Variants in FARS2 observed in about 807,000 individuals in gnomAD.
FARS2 encodes phenylalanyl-tRNA synthetase 2, mitochondrial, also known as phenylalanine--tRNA ligase, mitochondrial.
Under a neutral mutation model 46.4 loss-of-function variants are expected in FARS2, and 40 were observed. The ratio of observed to expected loss-of-function variants is 0.86; its 90% CI spans 0.67 to 1.12. FARS2 has a LOEUF of 1.12. FARS2 is among the 50% of genes most tolerant of loss of function. FARS2 has a pLI of 0.00. For missense variants in FARS2, 513 were observed against 567.9 expected, an observed-to-expected ratio of 0.90 and a Z score of 0.98; for synonymous variants, 234 against 214.9, an observed-to-expected ratio of 1.09 and a Z score of -0.78.
intron 3 of FARS2, among the ~76,000 whole-genome samples, chr6:5,428,055 G>A (rs1762948285): frequency 1.3e-5 from 2 of 152,194 alleles, no homozygotes; most frequent in African/African-American, 4.8e-5. Context: ...GTGGGTGTGT[G>A]TAAACAGGGA....
At chr6:5,432,323 A>AC in intron 4 of FARS2, among the ~76,000 whole-genome samples, 1 of 39,868 alleles carries the variant, frequency 2.5e-5, no homozygotes, top group East Asian at 1.2e-3. Flanking sequence ...TTAAAAAAAA[A>AC]AAAAATATAT....
chr6:5,591,500 G>A (rs1231043719), intron 5 of FARS2, among the ~76,000 whole-genome samples: 3 of 152,232 alleles, frequency 2.0e-5, no homozygotes, highest in Non-Finnish European at 2.9e-5. Context: ...TGGCCTGAAC[G>A]CCTCCTCGAG....
intron 4 of FARS2, among the ~76,000 whole-genome samples, chr6:5,540,695 G>T (rs1770574387): frequency 6.6e-6 from 1 of 152,044 alleles, no homozygotes; most frequent in Non-Finnish European, 1.5e-5. Context: ...AGAACTCTCA[G>T]GTTTAGATGG....
chr6:5,522,208 C>G (rs1355806949), intron 4 of FARS2, among the ~76,000 whole-genome samples: 1 of 152,200 alleles, frequency 6.6e-6, no homozygotes, highest in African/African-American at 2.4e-5. Context: ...CACCAAGGCC[C>G]TCACAGCAAG....
chr6:5,267,147 G>A (rs568546857), intron 1 of FARS2, among the ~76,000 whole-genome samples: 1 of 88,238 alleles, frequency 1.1e-5, no homozygotes, highest in Non-Finnish European at 2.1e-5. Context: ...TATTTCTAGA[G>A]GTTTTTTTTC....
chr6:5,298,177 G>A (rs1397040226), intron 1 of FARS2, among the ~76,000 whole-genome samples: 4 of 152,230 alleles, frequency 2.6e-5, no homozygotes, highest in Non-Finnish European at 5.9e-5. Flanking sequence ...TGAAAATAGT[G>A]CTGCCCCTGG....
At chr6:5,320,081 C>G (rs1769857891) in intron 1 of FARS2, among the ~76,000 whole-genome samples, 1 of 152,146 alleles carries the variant, frequency 6.6e-6, no homozygotes, top group South Asian at 2.1e-4. Flanking sequence ...ATCCCAAGGT[C>G]AAGTTGGTGC....
intron 5 of FARS2, among the ~76,000 whole-genome samples, chr6:5,578,834 C>A (rs10900972): frequency 2.3e-3 from 329 of 140,032 alleles, no homozygotes; most frequent in African/African-American, 3.2e-3. Flanking sequence ...AAAAAAAAAA[C>A]AAAAAAAAAA....
intron 6 of FARS2, among the ~76,000 whole-genome samples, chr6:5,732,679 T>C (rs1487332250): frequency 6.6e-6 from 1 of 152,150 alleles, no homozygotes; most frequent in Non-Finnish European, 1.5e-5. Flanking sequence ...CCCGGACACA[T>C]CAAGCTTTCC....
At chr6:5,523,182 T>C (rs1582346262) in intron 4 of FARS2, among the ~76,000 whole-genome samples, 1 of 152,300 alleles carries the variant, frequency 6.6e-6, no homozygotes, top group Admixed American at 6.5e-5. Context: ...TCCTCGTCAT[T>C]TTCATGACCA....
the FARS2 span, among the ~76,000 whole-genome samples, chr6:5,253,810 A>G: frequency 1.4e-5 from 2 of 144,668 alleles, no homozygotes; most frequent in South Asian, 2.3e-4. Flanking sequence ...AAAAACCTCA[A>G]TAAGTGGGTG....
chr6:5,458,479 G>A (rs753958839), intron 4 of FARS2, among the ~76,000 whole-genome samples: 2 of 152,146 alleles, frequency 1.3e-5, no homozygotes, highest in Admixed American at 1.3e-4. Context: ...GGGAAGAGCA[G>A]GAGGTGACTC....
At chr6:5,352,003 A>G (rs1275540056) in intron 1 of FARS2, among the ~76,000 whole-genome samples, 2 of 152,146 alleles carry the variant, frequency 1.3e-5, no homozygotes, top group Non-Finnish European at 2.9e-5. Flanking sequence ...AAAACAGCTT[A>G]TCTCCGCCCT....
intron 6 of FARS2, among the ~76,000 whole-genome samples, chr6:5,616,039 C>T (rs1005201134): frequency 2.4e-4 from 31 of 128,690 alleles, no homozygotes; most frequent in Non-Finnish European, 4.2e-4. Context: ...AAAAAAACAA[C>T]GAAACAAACA....
At position 5,546,405 on chromosome 6, in the gene FARS2, T is replaced by C. The variant is rs1249544515; in HGVS notation, c.1065+1065T>C. Among the ~76,000 whole-genome samples, 6 of 151,172 alleles carry C rather than the reference T, an allele frequency of 4.0e-5. No homozygotes were observed. In the South Asian group the frequency reaches 1.1e-3, roughly 27 times the overall value. Reference sequence around the variant, plus strand: ...AGCTGGGATTACAGGCGCCCACCACTACGCCCAGCTAATTTTGTGTATTTT... The same window carrying C: ...AGCTGGGATTACAGGCGCCCACCACCACGCCCAGCTAATTTTGTGTATTTT... On this transcript the variant is annotated intron_variant, in intron 5 of 6. Coordinates refer to ENST00000274680, the MANE Select transcript of FARS2 (RefSeq NM_006567.5).
chr6:5,629,895 T>C (rs1396442371), intron 6 of FARS2, among the ~76,000 whole-genome samples: 1 of 152,100 alleles, frequency 6.6e-6, no homozygotes, highest in Non-Finnish European at 1.5e-5. Context: ...CACATAACTC[T>C]CAGAGTCCTG....
intron 6 of FARS2, among the ~76,000 whole-genome samples, chr6:5,698,268 A>G (rs1281625218): frequency 6.6e-6 from 1 of 152,192 alleles, no homozygotes; most frequent in African/African-American, 2.4e-5. Context: ...GGCCTCGGGA[A>G]GCTCACAATC....
intron 2 of FARS2, among the ~76,000 whole-genome samples, chr6:5,398,017 T>A (rs1761010011): frequency 6.6e-6 from 1 of 152,202 alleles, no homozygotes; most frequent in South Asian, 2.1e-4. Flanking sequence ...GTGCCCTTAG[T>A]GAGTTCTATC....
chr6:5,472,175 G>A (rs1476644253), intron 4 of FARS2, among the ~76,000 whole-genome samples: 1 of 152,178 alleles, frequency 6.6e-6, no homozygotes, highest in Admixed American at 6.5e-5. Flanking sequence ...TGGGGCTGGG[G>A]GCTGGTGTAG....
Sources: gnomAD v4.1 joint callset for allele counts (sites outside exome capture counted in the v4.1 genomes callset) on GRCh38, gnomAD v4.1.1 for gene constraint, MANE v1.5 for transcripts, NCBI Gene and HGNC (gene_info 2026-07-23, HGNC 2026-07-21) for gene names.